The following RDX variants were observed in gnomAD, a reference collection of about 807,000 sequenced individuals.
RDX encodes the protein radixin, also known as deafness, autosomal recessive 24.
Under a neutral mutation model 83.7 loss-of-function variants are expected in RDX, and 32 were observed. That is an observed-to-expected ratio of 0.38 (90% CI 0.29 to 0.51). The LOEUF (loss-of-function observed/expected upper bound fraction) is 0.51, where lower values mean the gene tolerates loss of function less well. Among genes scored for constraint, RDX ranks in the 20% least tolerant of loss-of-function variants. The probability of loss-of-function intolerance (pLI) is 0.87; values close to 1 mark genes in which losing one functional copy is unlikely to be tolerated. For missense variants in RDX, 600 were observed against 689.9 expected (o/e 0.87, Z 1.46); for synonymous variants, 229 against 222.7 (o/e 1.03, Z -0.25).
Position 110,231,829 on chromosome 11 carries a change from G to A in RDX, c.*40C>T. The A allele has an allele frequency of 6.2e-7, 1 of 1,608,044 alleles. No individual in the cohort carries two copies. Among genetic ancestry groups the A allele is most frequent in the South Asian group, 1.1e-5 (1 of 90,912 alleles). ...CAAAGGCCTGCTTTTCTCTGTTGGTGGTTCAGCTTATGAAGAACATATATG... is the reference window on the plus strand; with the variant it reads ...CAAAGGCCTGCTTTTCTCTGTTGGTAGTTCAGCTTATGAAGAACATATATG... On this transcript the variant is annotated 3_prime_UTR_variant, in exon 14 of 14. Transcript: ENST00000645495.
intron 10 of RDX, among the ~76,000 whole-genome samples, chr11:110,243,763 A>G (rs1347806884): frequency 6.6e-6 from 1 of 152,212 alleles, no homozygotes; most frequent in Non-Finnish European, 1.5e-5. Context: ...AAAAGCACAT[A>G]GAAAGACACT....
Position 110,215,487 on chromosome 11 carries a change from C to T in RDX, c.1749-15809G>A, listed in dbSNP as rs1864016857. On this transcript the variant is annotated intron_variant, in intron 14 of 15. Coordinates refer to the RDX transcript ENST00000528498. ...CTTTAAATCTTTAAGCTATATTGAC[C>T]TCATCTTGAAAACAGGAGCACTAAA... Among the ~76,000 whole-genome samples, 2 of 151,912 alleles carry T rather than the reference C, an allele frequency of 1.3e-5. 1 individual carries two copies. Among genetic ancestry groups the T allele is most frequent in the South Asian group, 4.2e-4 (2 of 4,790 alleles).
At chr11:110,209,137 T>C (rs1432136516) in intron 14 of RDX, among the ~76,000 whole-genome samples, 1 of 152,142 alleles carries the variant, frequency 6.6e-6, no homozygotes. Context: ...GCGCGCACCG[T>C]GCGCGAGCTG....
chr11:110,177,188 G>A (rs1030494760), intron 15 of RDX, among the ~76,000 whole-genome samples: 4 of 152,224 alleles, frequency 2.6e-5, no homozygotes, highest in African/African-American at 4.8e-5. Flanking sequence ...ACCTCCACCC[G>A]GGGACAGGAA....
At chr11:110,282,316 G>T (rs1481736330) in intron 1 of RDX, among the ~76,000 whole-genome samples, 1 of 151,992 alleles carries the variant, frequency 6.6e-6, no homozygotes, top group Non-Finnish European at 1.5e-5. Flanking sequence ...AGCCAAAATG[G>T]CTTGTCCTAA....
chr11:110,232,046 TA>T lies in RDX; in HGVS notation c.1588-14del. On this transcript the variant is annotated splice_polypyrimidine_tract_variant and intron_variant, in intron 13 of 13. Coordinates refer to ENST00000645495, the MANE Select transcript of RDX (RefSeq NM_002906.4). ...CTGAACTTAATGCCTATTTAAAAAATAAAAAGTACAACTATTATTTTTTTCT... is the reference window on the plus strand; with the variant it reads ...CTGAACTTAATGCCTATTTAAAAAATAAAAGTACAACTATTATTTTTTTCT... The T allele has an allele frequency of 6.3e-7, 1 of 1,598,036 alleles. No homozygotes were observed. The highest frequency in any genetic ancestry group is 8.6e-7 in the Non-Finnish European group (1 of 1,166,852).
Position 110,233,412 on chromosome 11 carries a change from G to A in RDX, c.1412C>T (p.Pro471Leu), listed in dbSNP as rs754733997. 1 of 1,613,894 alleles carries A rather than the reference G, an allele frequency of 6.2e-7. No homozygotes were observed. The highest frequency in any genetic ancestry group is 1.1e-5 in the South Asian group (1 of 91,074). Residue 471 changes from proline (P) to leucine (L), a missense_variant, in exon 13 of 14, where the codon CCT becomes CTT. Coordinates refer to ENST00000645495, the MANE Select transcript of RDX (RefSeq NM_002906.4). ...AATGACTGGTGGTGGTGGAGGTGGA[G>A]GGGGGGCAGACATCACAGTTTTTAA... ...EELKTVMSAP[P>L]PPPPPPVIPP...
At chr11:110,200,780 T>C (rs1449036992) in intron 14 of RDX, among the ~76,000 whole-genome samples, 1 of 152,258 alleles carries the variant, frequency 6.6e-6, no homozygotes, top group Non-Finnish European at 1.5e-5. Context: ...GAGCTTGATG[T>C]TAACCTGGCC....
chr11:110,275,932 G>A (rs1040737488), intron 2 of RDX, among the ~76,000 whole-genome samples: 1 of 151,730 alleles, frequency 6.6e-6, no homozygotes, highest in Admixed American at 6.6e-5. Flanking sequence ...TTACAGGCAT[G>A]CACCACCATG....
intron 15 of RDX, among the ~76,000 whole-genome samples, chr11:110,180,874 C>A (rs371124169): frequency 6.6e-5 from 10 of 152,078 alleles, no homozygotes; most frequent in Admixed American, 2.0e-4. Flanking sequence ...CTCCAGCCCC[C>A]CTCTTGGATG....
At chr11:110,237,193 G>A (rs1257391276) in intron 11 of RDX, among the ~76,000 whole-genome samples, 2 of 149,652 alleles carry the variant, frequency 1.3e-5, no homozygotes, top group African/African-American at 2.5e-5. Context: ...AGCAAAAGAC[G>A]CCAACTGACT....
At position 110,248,498 on chromosome 11, in the gene RDX, A is replaced by C. The variant is rs551700270; in HGVS notation, c.960-665T>G. Among the ~76,000 whole-genome samples, 30 of 152,326 alleles carry C rather than the reference A, an allele frequency of 2.0e-4. 1 individual carries two copies. The South Asian group carries it at 4.8e-3, about 24-fold the overall frequency. On this transcript the variant is annotated intron_variant, in intron 9 of 13. Transcript: ENST00000645495. ...TTTAAAAAATATTAAAAACTTAGAC[A>C]TTTAGGAACATCCTCAAAGGATGAG... is the stretch of plus-strand genomic sequence containing the variant.
exon 15 of RDX, chr11:110,199,611 G>A: frequency 1.4e-6 from 1 of 703,046 alleles, no homozygotes; most frequent in Middle Eastern, 2.3e-4. Context: ...CTTCCTAAGG[G>A]TTACATTTGC....
intron 7 of RDX, among the ~76,000 whole-genome samples, chr11:110,256,641 G>A (rs973547515): frequency 1.3e-5 from 2 of 152,206 alleles, no homozygotes; most frequent in African/African-American, 4.8e-5. Flanking sequence ...GGAGAAAGCA[G>A]AGGCGCAAGA....
In RDX at chr11:110,231,904, T is replaced by C. The variant is rs1170898250; in HGVS notation, c.1717A>G (p.Thr573Ala). 6.2e-7 allele frequency: 1 copy of C among 1,613,300 alleles called. No homozygotes were observed. Among genetic ancestry groups the C allele is most frequent in the East Asian group, 2.2e-5 (1 of 44,882 alleles). ...KTLRQIRQGN[T>A]KQRIDEFEAM ...TCAAACTCATCGATACGCTGCTTTG[T>C]ATTGCCTTGTCGAATCTGTCGCAGA... Residue 573 changes from threonine to alanine, a missense_variant, in exon 14 of 14, where the codon ACA becomes GCA. Transcript: ENST00000645495.
chr11:110,210,883 T>A lies in RDX; in HGVS notation c.1749-11205A>T, dbSNP rs565494770. ...ACAACCAGTACCAGCCATTGCAAAA[T>A]CATGCCAAAATGTAAAGACCATCGA... On this transcript the variant is annotated intron_variant, in intron 14 of 15. Transcript: ENST00000528498. 4.0e-5 allele frequency among the ~76,000 whole-genome samples: 6 copies of A among 151,314 alleles called. No homozygotes were observed. The South Asian group carries it at 1.3e-3, about 32-fold the overall frequency.
At chr11:110,205,045 G>A (rs1163667888) in intron 14 of RDX, among the ~76,000 whole-genome samples, 2 of 152,088 alleles carry the variant, frequency 1.3e-5, no homozygotes, top group African/African-American at 4.8e-5. Context: ...GAATAGTATT[G>A]ACACAGGGAT....
intron 10 of RDX, among the ~76,000 whole-genome samples, chr11:110,245,933 G>A (rs1001084619): frequency 6.6e-6 from 1 of 152,134 alleles, no homozygotes; most frequent in African/African-American, 2.4e-5. Context: ...TGCAGGTCTG[G>A]TGCTATATAT....
chr11:110,198,100 T>C (rs1343877362), intron 15 of RDX, among the ~76,000 whole-genome samples: 1 of 152,148 alleles, frequency 6.6e-6, no homozygotes, highest in Non-Finnish European at 1.5e-5. Context: ...AAACATAATA[T>C]TTCTATAAAG....
Sources: gnomAD v4.1 joint callset for allele counts (sites outside exome capture counted in the v4.1 genomes callset) on GRCh38, gnomAD v4.1.1 for gene constraint, MANE v1.5 for transcripts, NCBI Gene and HGNC (gene_info 2026-07-23, HGNC 2026-07-21) for gene names.